The following ADAMTSL1 variants were observed in gnomAD, a reference collection of about 807,000 sequenced individuals.
The protein encoded by ADAMTSL1 is ADAMTS-like protein 1.
A neutral mutation model predicts 201.8 loss-of-function variants in ADAMTSL1; 126 were observed. That is an observed-to-expected ratio of 0.62 (90% CI 0.54 to 0.72). ADAMTSL1 has a LOEUF of 0.72. ADAMTSL1 is among the 30% of genes least tolerant of loss of function. The probability of loss-of-function intolerance (pLI) is 0.00; values close to 1 mark genes in which losing one functional copy is unlikely to be tolerated. For missense variants in ADAMTSL1, 2,679 were observed against 2,277.8 expected, an observed-to-expected ratio of 1.18 and a Z score of -3.59; for synonymous variants, 1,121 against 903.4, an observed-to-expected ratio of 1.24 and a Z score of -4.32.
At chr9:18,497,641 G>T (rs917855570) in intron 1 of ADAMTSL1, among the ~76,000 whole-genome samples, 2 of 152,172 alleles carry the variant, frequency 1.3e-5, no homozygotes, top group East Asian at 3.8e-4. Context: ...AACTGAGAAT[G>T]ATCAAATATT....
At chr9:18,143,756 C>A (rs1826504704) in intron 1 of ADAMTSL1, among the ~76,000 whole-genome samples, 1 of 152,112 alleles carries the variant, frequency 6.6e-6, no homozygotes. Context: ...TGAACTGGAG[C>A]TTAAATAATT....
At chr9:18,722,854 G>A (rs1018865573) in intron 15 of ADAMTSL1, among the ~76,000 whole-genome samples, 1 of 152,210 alleles carries the variant, frequency 6.6e-6, no homozygotes, top group African/African-American at 2.4e-5. Flanking sequence ...TAGAGTCAAA[G>A]TCAGGTCCTG....
At chr9:17,936,104 T>A (rs34572868) in intron 1 of ADAMTSL1, among the ~76,000 whole-genome samples, 15,163 of 152,196 alleles carry the variant, frequency 0.1, 866 homozygotes, top group South Asian at 0.2. Flanking sequence ...AAAAATAATA[T>A]CTTCATTTGC....
chr9:17,980,183 C>G (rs1266386628), intron 1 of ADAMTSL1, among the ~76,000 whole-genome samples: 1 of 152,076 alleles, frequency 6.6e-6, no homozygotes, highest in African/African-American at 2.4e-5. Flanking sequence ...GTGCTCCACC[C>G]AGATGCTATA....
Position 18,225,515 on chromosome 9 carries a change from C to A in ADAMTSL1, c.207+61534C>A, listed in dbSNP as rs10119929. Among the ~76,000 whole-genome samples the A allele has an allele frequency of 2.5e-3, 377 of 152,120 alleles. 2 individuals carry two copies. Among genetic ancestry groups the A allele is most frequent in the African/African-American group, 8.8e-3 (366 of 41,508 alleles). On this transcript the variant is annotated intron_variant, in intron 2 of 29. Transcript: ENST00000680146. ...TTTTTTAGATATATTTGTTAAAATC[C>A]TTCTACTAGGCAATACGTTATTAAC... is the stretch of plus-strand genomic sequence containing the variant.
chr9:18,496,572 G>A lies in ADAMTSL1; in HGVS notation c.64-8257G>A, dbSNP rs147869329. 1.4e-3 allele frequency among the ~76,000 whole-genome samples: 220 copies of A among 152,302 alleles called. 2 individuals are homozygous for A. The highest frequency in any genetic ancestry group is 4.9e-3 in the African/African-American group (205 of 41,568). ...ACCAAAAGCTGACTTGTTTGAGAGT[G>A]ACATGAAGTTAGCTAGTCATTTCAT... On this transcript the variant is annotated intron_variant, in intron 1 of 28. Coordinates refer to ENST00000380548, the MANE Select transcript of ADAMTSL1 (RefSeq NM_001040272.6).
At chr9:18,582,722 A>C (rs1823180470) in intron 4 of ADAMTSL1, among the ~76,000 whole-genome samples, 1 of 151,864 alleles carries the variant, frequency 6.6e-6, no homozygotes, top group South Asian at 2.1e-4. Flanking sequence ...GGTAGAGGGC[A>C]CCTGTAGTCC....
At chr9:18,664,652 A>G (rs1390544249) in intron 9 of ADAMTSL1, among the ~76,000 whole-genome samples, 11 of 152,094 alleles carry the variant, frequency 7.2e-5, no homozygotes, top group Admixed American at 7.2e-4. Context: ...AGGAAAAAGT[A>G]AAAAATAAAT....
At chr9:18,594,758 T>C (rs1587666642) in intron 4 of ADAMTSL1, among the ~76,000 whole-genome samples, 6 of 152,298 alleles carry the variant, frequency 3.9e-5, no homozygotes, top group Admixed American at 3.9e-4. Context: ...AACAGCTATT[T>C]TGAGTTATTT....
intron 16 of ADAMTSL1, among the ~76,000 whole-genome samples, chr9:18,760,245 T>G (rs1819997004): frequency 6.6e-6 from 1 of 152,152 alleles, no homozygotes; most frequent in South Asian, 2.1e-4. Context: ...TTATTCCATC[T>G]TCTATATCTC....
At chr9:18,161,977 G>A (rs1027081553) in intron 1 of ADAMTSL1, among the ~76,000 whole-genome samples, 8 of 151,972 alleles carry the variant, frequency 5.3e-5, no homozygotes, top group Non-Finnish European at 1.5e-5. Context: ...GACTGTATTA[G>A]TTTTCTATTG....
rs1340805145 is a variant in ADAMTSL1 at position 18,639,281 on chromosome 9, C to A, written c.704C>A (p.Thr235Asn). 9 of 1,612,820 alleles carry A rather than the reference C, an allele frequency of 5.6e-6. No homozygotes were observed. In the East Asian group the frequency reaches 2.0e-4, roughly 36 times the overall value. Residue 235 changes from threonine (T) to asparagine (N), a missense_variant, in exon 7 of 29, where the codon ACT becomes AAT. Transcript: ENST00000380548. Reference protein sequence around the residue: ...LYLETKTLQGTKGENSLSSTG... With the variant: ...LYLETKTLQGNKGENSLSSTG... ...CTGGAAACCAAAACCCTCCAGGGGA[C>A]TAAAGGTGAAAACAGTCTCAGCTCC...
intron 4 of ADAMTSL1, among the ~76,000 whole-genome samples, chr9:18,592,019 A>T (rs141041224): frequency 1.3e-5 from 2 of 152,156 alleles, no homozygotes; most frequent in Non-Finnish European, 2.9e-5. Context: ...ATGAAGAAAA[A>T]TTGGGCCCTT....
intron 1 of ADAMTSL1, among the ~76,000 whole-genome samples, chr9:18,475,968 A>G (rs1458854634): frequency 6.6e-6 from 1 of 152,148 alleles, no homozygotes; most frequent in Non-Finnish European, 1.5e-5. Flanking sequence ...AGAGCATATA[A>G]TTTGACTTAT....
Position 18,680,435 on chromosome 9 carries a change from C to T in ADAMTSL1, c.1260C>T (p.Cys420=). The T allele has an allele frequency of 1.2e-6, 2 of 1,614,126 alleles. No individual in the cohort carries two copies. The highest frequency in any genetic ancestry group is 1.7e-6 in the Non-Finnish European group (2 of 1,180,010). Residue 420 remains cysteine (C), a synonymous_variant, in exon 11 of 29, where the codon TGC becomes TGT. Transcript: ENST00000380548. ...GHVTSVEEWK[C]MYTPKMPIAQ... is the part of the protein sequence containing the mutation. Reference sequence around the variant, plus strand: ...TCACTTCAGTGGAAGAGTGGAAATGCATGTACACCCCTAAGATGCCCATCG... The same window carrying T: ...TCACTTCAGTGGAAGAGTGGAAATGTATGTACACCCCTAAGATGCCCATCG...
At chr9:18,328,086 C>T (rs1248249809) in intron 2 of ADAMTSL1, among the ~76,000 whole-genome samples, 1 of 152,112 alleles carries the variant, frequency 6.6e-6, no homozygotes, top group African/African-American at 2.4e-5. Context: ...TGTTACAAGT[C>T]AAAGATCATC....
chr9:18,421,841 C>T (rs1367875560), intron 2 of ADAMTSL1, among the ~76,000 whole-genome samples: 3 of 151,978 alleles, frequency 2.0e-5, no homozygotes, highest in African/African-American at 7.3e-5. Context: ...AAATGCAATA[C>T]CATATTTACC....
intron 1 of ADAMTSL1, among the ~76,000 whole-genome samples, chr9:18,071,371 C>T (rs767032901): frequency 1.3e-5 from 2 of 152,152 alleles, no homozygotes; most frequent in Non-Finnish European, 2.9e-5. Flanking sequence ...CTTATTCTAT[C>T]AAGATACTTG....
chr9:18,898,064 C>T (rs1468550741), intron 26 of ADAMTSL1, among the ~76,000 whole-genome samples: 1 of 151,840 alleles, frequency 6.6e-6, no homozygotes, highest in Non-Finnish European at 1.5e-5. Context: ...TGGCGGGCAC[C>T]TGTAGCCCCA....
Sources: gnomAD v4.1 joint callset for allele counts (sites outside exome capture counted in the v4.1 genomes callset) on GRCh38, gnomAD v4.1.1 for gene constraint, MANE v1.5 for transcripts, NCBI Gene and HGNC (gene_info 2026-07-23, HGNC 2026-07-21) for gene names.